CEP128: variants seen among roughly 807,000 people sequenced by gnomAD.
The protein encoded by CEP128 is centrosomal protein 128kDa.
CEP128 carries 132 observed loss-of-function variants against 156.7 expected under a neutral mutation model. That is an observed-to-expected ratio of 0.84 (90% CI 0.73 to 0.97). The LOEUF (loss-of-function observed/expected upper bound fraction) is 0.97, where lower values mean the gene tolerates loss of function less well. Among genes scored for constraint, CEP128 ranks in the 50% least tolerant of loss-of-function variants. CEP128 has a pLI of 0.00. For missense variants in CEP128, 1,252 were observed against 1,281.9 expected, an observed-to-expected ratio of 0.98 and a Z score of 0.36; for synonymous variants, 469 against 448.9, an observed-to-expected ratio of 1.04 and a Z score of -0.57.
At chr14:80,600,448 GGATT>G (rs1892533080) in intron 19 of CEP128, among the ~76,000 whole-genome samples, 2 of 152,086 alleles carry the variant, frequency 1.3e-5, no homozygotes, top group South Asian at 4.1e-4. Flanking sequence ...AGAAGGCAGT[GGATT>G]ACATATTCGA....
chr14:80,521,856 A>G (rs1487696620), intron 23 of CEP128, among the ~76,000 whole-genome samples: 1 of 152,186 alleles, frequency 6.6e-6, no homozygotes, highest in Non-Finnish European at 1.5e-5. Context: ...CCCAAACATC[A>G]GTGTTCACCT....
rs1301962647 is a variant in CEP128 at position 80,497,331 on chromosome 14, G to A, written c.*148C>T. The A allele has an allele frequency of 3.3e-6, 2 of 600,724 alleles. No individual in the cohort carries two copies. Among genetic ancestry groups the A allele is most frequent in the African/African-American group, 1.9e-5 (1 of 53,776 alleles). The allele number at this position is 600,724 out of a possible 1,614,324, so 37.2% of individuals were successfully genotyped here. ...GGTTTACCATTCACAAGGACCAACA[G>A]TATTGTCACTTTTGTCAATGTTTGG... On this transcript the variant is annotated 3_prime_UTR_variant, in exon 25 of 25. Coordinates refer to ENST00000555265, the MANE Select transcript of CEP128 (RefSeq NM_152446.5).
At chr14:80,677,552 G>T (rs192019423) in intron 19 of CEP128, among the ~76,000 whole-genome samples, 61 of 148,956 alleles carry the variant, frequency 4.1e-4, no homozygotes, top group Non-Finnish European at 7.4e-5. Context: ...TCCCACCCAG[G>T]TGGTTTTAAT....
chr14:80,510,905 A>G (rs1200130533), intron 23 of CEP128, among the ~76,000 whole-genome samples: 1 of 151,902 alleles, frequency 6.6e-6, no homozygotes, highest in Non-Finnish European at 1.5e-5. Flanking sequence ...GCTATGATGT[A>G]TGACACTGGT....
chr14:80,840,488 C>G (rs1489039051), intron 10 of CEP128, among the ~76,000 whole-genome samples, 194 bp downstream of exon 10: 1 of 152,040 alleles, frequency 6.6e-6, no homozygotes, highest in Non-Finnish European at 1.5e-5. Context: ...GACAAGGTAG[C>G]AAACAACTTG....
chr14:80,484,623 T>A (rs536215234), intron 14 of CEP128, among the ~76,000 whole-genome samples: 1 of 152,332 alleles, frequency 6.6e-6, no homozygotes, highest in East Asian at 1.9e-4. Context: ...GCATCAGTTA[T>A]CACCTTAGGA....
At chr14:80,774,096 G>A (rs1015212128) in intron 16 of CEP128, among the ~76,000 whole-genome samples, 2 of 152,132 alleles carry the variant, frequency 1.3e-5, no homozygotes, top group Non-Finnish European at 2.9e-5. Context: ...AATACATGAG[G>A]AAAATATGCT....
At chr14:80,957,528 A>G (rs1261959791) in intron 2 of CEP128, among the ~76,000 whole-genome samples, 1 of 152,074 alleles carries the variant, frequency 6.6e-6, no homozygotes, top group Non-Finnish European at 1.5e-5. Flanking sequence ...CTGAATGTCC[A>G]CTCTATGTTG....
At chr14:80,952,893 T>C (rs757893150) in intron 2 of CEP128, among the ~76,000 whole-genome samples, 3 of 152,142 alleles carry the variant, frequency 2.0e-5, no homozygotes, top group Non-Finnish European at 4.4e-5. Context: ...AATTCAACAA[T>C]TTAGATGAAA....
At chr14:80,651,403 T>C (rs891695755) in intron 19 of CEP128, among the ~76,000 whole-genome samples, 1 of 152,118 alleles carries the variant, frequency 6.6e-6, no homozygotes, top group Non-Finnish European at 1.5e-5. Flanking sequence ...GAGTTTTCCA[T>C]GTCTCTATCT....
At chr14:80,901,815 T>A (rs918902875) in intron 6 of CEP128, among the ~76,000 whole-genome samples, 1 of 152,192 alleles carries the variant, frequency 6.6e-6, no homozygotes, top group Non-Finnish European at 1.5e-5. Context: ...TCAATTCACA[T>A]CCAGAACACA....
At chr14:80,898,854 T>C (rs1889466389) in intron 7 of CEP128, among the ~76,000 whole-genome samples, 1 of 152,172 alleles carries the variant, frequency 6.6e-6, no homozygotes, top group Non-Finnish European at 1.5e-5. Flanking sequence ...ATCAGCCACA[T>C]GTGAAAATGA....
At chr14:80,775,007 T>C (rs1900715752) in intron 16 of CEP128, among the ~76,000 whole-genome samples, 1 of 152,224 alleles carries the variant, frequency 6.6e-6, no homozygotes, top group African/African-American at 2.4e-5. Flanking sequence ...TAGGCAGTCA[T>C]TCCATATATG....
At chr14:80,556,040 T>C (rs1890421453) in intron 21 of CEP128, among the ~76,000 whole-genome samples, 1 of 152,090 alleles carries the variant, frequency 6.6e-6, no homozygotes, top group African/African-American at 2.4e-5. Context: ...ATGCCTCATA[T>C]TGAGCCCAAT....
At chr14:80,844,061 CAAATT>C (rs1886476736) in intron 9 of CEP128, among the ~76,000 whole-genome samples, 1 of 151,648 alleles carries the variant, frequency 6.6e-6, no homozygotes, top group African/African-American at 2.4e-5. Context: ...TTTCTCAAAT[CAAATT>C]AGAGATTCCT....
intron 19 of CEP128, among the ~76,000 whole-genome samples, chr14:80,642,905 C>A (rs965143427): frequency 7.9e-5 from 12 of 152,004 alleles, no homozygotes; most frequent in African/African-American, 1.2e-4. Context: ...CAGGCACGTG[C>A]CACCACGCCT....
At chr14:80,944,821 TCAAAAAAA>T (rs1886291309), upstream of CEP128, among the ~76,000 whole-genome samples, 1 of 16,458 alleles carries the variant, frequency 6.1e-5, no homozygotes, top group Non-Finnish European at 1.2e-4. Flanking sequence ...AGAGTCTGTC[TCAAAAAAA>T]AAAAAAAAAA....
At chr14:80,954,350 A>G (rs1019820178) in intron 2 of CEP128, among the ~76,000 whole-genome samples, 1 of 152,160 alleles carries the variant, frequency 6.6e-6, no homozygotes, top group African/African-American at 2.4e-5. Context: ...TAGTATTCCA[A>G]TGTGGAGGTA....
At chr14:80,878,015 A>C (rs1352416183) in intron 8 of CEP128, among the ~76,000 whole-genome samples, 1 of 152,110 alleles carries the variant, frequency 6.6e-6, no homozygotes, top group Non-Finnish European at 1.5e-5. Flanking sequence ...GGCACAGCCG[A>C]GGTAGTGCTC....
Sources: allele counts gnomAD v4.1 joint callset (sites outside exome capture counted in the v4.1 genomes callset), GRCh38; gene constraint gnomAD v4.1.1; transcripts MANE v1.5; gene names NCBI Gene and HGNC (gene_info 2026-07-23, HGNC 2026-07-21).